Variants in ABRA observed in about 807,000 individuals in gnomAD.
ABRA encodes actin-binding Rho-activating protein.
A neutral mutation model predicts 33.4 loss-of-function variants in ABRA; 25 were observed. That is an observed-to-expected ratio of 0.75 (90% CI 0.55 to 1.04). The LOEUF (loss-of-function observed/expected upper bound fraction) is 1.04. Among genes scored for constraint, ABRA ranks in the 50% least tolerant of loss-of-function variants. The probability of loss-of-function intolerance (pLI) is 0.00; values close to 1 mark genes in which losing one functional copy is unlikely to be tolerated. For missense variants in ABRA, 501 were observed against 491.7 expected (o/e 1.02, Z -0.18); for synonymous variants, 193 against 176.8 (o/e 1.09, Z -0.73).
rs529452336 is a variant in ABRA, at chr8:106,760,800, C to T, written c.*237G>A. On this transcript the variant is annotated 3_prime_UTR_variant, in exon 2 of 2. Transcript: ENST00000311955. Reference sequence around the variant, plus strand: ...ACAAAAACACCCTGTGGAATTTCAACTATTAATACTATTATTATACATTAA... The same window carrying T: ...ACAAAAACACCCTGTGGAATTTCAATTATTAATACTATTATTATACATTAA... 2.0e-6 allele frequency: 1 copy of T among 494,556 alleles called. No homozygotes were observed. The highest frequency in any genetic ancestry group is 3.7e-5 in the Admixed American group (1 of 27,322). 30.6% of individuals were successfully genotyped at this position (494,556 alleles called of 1,614,324 possible). A position where few individuals can be genotyped will look rare whatever the true frequency, so the allele number is the denominator to read the frequency against.
intron 1 of ABRA, 93 bp downstream of exon 1, chr8:106,769,430 C>T: frequency 2.0e-6 from 3 of 1,506,678 alleles, no homozygotes; most frequent in Non-Finnish European, 2.7e-6. Flanking sequence ...CACTCTAACC[C>T]TGGCAGGACT....
intron 1 of ABRA, among the ~76,000 whole-genome samples, chr8:106,761,877 A>G (rs1420252954): frequency 6.6e-6 from 1 of 152,200 alleles, no homozygotes; most frequent in African/African-American, 2.4e-5. Flanking sequence ...AGGTGTTTTC[A>G]GGAATCTAGT....
Position 106,759,723 on chromosome 8 carries a change from A to G in ABRA, c.*1314T>C, listed in dbSNP as rs1836109262. 1 of 152,192 alleles carries G rather than the reference A, an allele frequency of 6.6e-6. No individual in the cohort carries two copies. Among genetic ancestry groups the G allele is most frequent in the African/African-American group, 2.4e-5 (1 of 41,456 alleles). The allele number at this position is 152,192 out of a possible 1,614,324, so 9.4% of individuals were successfully genotyped here. On this transcript the variant is annotated 3_prime_UTR_variant, in exon 2 of 2. Transcript: ENST00000311955. ...TAATTCTTATAGCAGTCTAATACCT[A>G]TTATTTTGAGGTATCATATTTAGAC...
At position 106,761,312 on chromosome 8, in the gene ABRA, C is replaced by T. The variant is rs891290416; in HGVS notation, c.871G>A (p.Glu291Lys). 6.2e-7 allele frequency: 1 copy of T among 1,614,178 alleles called. No homozygotes were observed. Among genetic ancestry groups the T allele is most frequent in the Non-Finnish European group, 8.5e-7 (1 of 1,180,028 alleles). ...GCCCTTTCAGCAGTTTTGGTTCCTT[C>T]TTTGGGGCGGCCATAGCCCTCATCT... is the stretch of plus-strand genomic sequence containing the variant. ...KGDEGYGRPK[E>K]GTKTAERAKR... Residue 291 changes from glutamate to lysine, a missense_variant, in exon 2 of 2, where the codon GAA becomes AAA. Physicochemically the swap from Glu to Lys is moderately conservative, Grantham distance 56. Coordinates refer to ENST00000311955, the MANE Select transcript of ABRA (RefSeq NM_139166.5).
intron 1 of ABRA, among the ~76,000 whole-genome samples, chr8:106,765,665 GCTGT>G (rs1836209457): frequency 6.6e-6 from 1 of 152,110 alleles, no homozygotes; most frequent in Non-Finnish European, 1.5e-5. Flanking sequence ...CAGCAGTTTT[GCTGT>G]CTGTCATTTT....
chr8:106,759,909 T>C lies in ABRA; in HGVS notation c.*1128A>G, dbSNP rs565694791. The C allele has an allele frequency of 1.3e-5, 2 of 152,340 alleles. No individual in the cohort carries two copies. The highest frequency in any genetic ancestry group is 1.9e-4 in the East Asian group (1 of 5,194). The allele number at this position is 152,340 out of a possible 1,614,324, so 9.4% of individuals were successfully genotyped here. A position where few individuals can be genotyped will look rare whatever the true frequency, so the allele number is the denominator to read the frequency against. On this transcript the variant is annotated 3_prime_UTR_variant, in exon 2 of 2. Transcript: ENST00000311955. ...GATTTTCTCCTTGCCATCATCATTGTATATTTTTTACTTTGGCAGAACTAA... is the reference window on the plus strand; with the variant it reads ...GATTTTCTCCTTGCCATCATCATTGCATATTTTTTACTTTGGCAGAACTAA...
intron 1 of ABRA, among the ~76,000 whole-genome samples, chr8:106,763,660 G>T (rs1357445994): frequency 6.6e-6 from 1 of 152,164 alleles, no homozygotes; most frequent in Non-Finnish European, 1.5e-5. Context: ...GTTGATCAAA[G>T]GCATATTCTT....
intron 1 of ABRA, among the ~76,000 whole-genome samples, chr8:106,766,137 T>C (rs1281058454): frequency 6.6e-6 from 1 of 152,242 alleles, no homozygotes; most frequent in African/African-American, 2.4e-5. Context: ...ATTGGTACTT[T>C]AATCTTGCAC....
At chr8:106,768,753 C>A (rs1213493966) in intron 1 of ABRA, among the ~76,000 whole-genome samples, 3 of 152,158 alleles carry the variant, frequency 2.0e-5, no homozygotes, top group Non-Finnish European at 2.9e-5. Context: ...CATGCCTCAG[C>A]CTCCCGGGTA....
chr8:106,763,011 G>A (rs568836821), intron 1 of ABRA, among the ~76,000 whole-genome samples: 1 of 152,242 alleles, frequency 6.6e-6, no homozygotes, highest in Admixed American at 6.5e-5. Context: ...TGGGATTGCA[G>A]ATGTTCAAGT....
At position 106,759,718 on chromosome 8, in the gene ABRA, T is replaced by C. The variant is rs1836109158; in HGVS notation, c.*1319A>G. 6.6e-6 allele frequency: 1 copy of C among 152,228 alleles called. No homozygotes were observed. Among genetic ancestry groups the C allele is most frequent in the South Asian group, 2.1e-4 (1 of 4,836 alleles). The allele number at this position is 152,228 out of a possible 1,614,324, so 9.4% of individuals were successfully genotyped here. On this transcript the variant is annotated 3_prime_UTR_variant, in exon 2 of 2. Transcript: ENST00000311955. Reference sequence around the variant, plus strand: ...AAATATAATTCTTATAGCAGTCTAATACCTATTATTTTGAGGTATCATATT... The same window carrying C: ...AAATATAATTCTTATAGCAGTCTAACACCTATTATTTTGAGGTATCATATT...
chr8:106,763,164 G>C (rs1008438611), intron 1 of ABRA, among the ~76,000 whole-genome samples: 1 of 152,152 alleles, frequency 6.6e-6, no homozygotes, highest in Non-Finnish European at 1.5e-5. Context: ...CCAAAGGCTG[G>C]AACCAAACAC....
In ABRA at chr8:106,769,626, C is replaced by T. The variant is rs745915544; in HGVS notation, c.565G>A (p.Val189Ile). 3.8e-5 allele frequency: 61 copies of T among 1,614,086 alleles called. No individual in the cohort carries two copies. The highest frequency in any genetic ancestry group is 1.3e-4 in the Admixed American group (8 of 60,002). ...QEEPTWRSDS[V>I]DTEDSGYGGE... ...CCATAGCCGCTGTCCTCTGTGTCTA[C>T]GCTGTCACTCCTCCATGTGGGCTCC... Residue 189 changes from valine to isoleucine, a missense_variant, in exon 1 of 2, where the codon GTA (valine) becomes ATA (isoleucine). Physicochemically the swap from Val to Ile is conservative, Grantham distance 29. Transcript: ENST00000311955.
Position 106,769,733 on chromosome 8 carries a change from C to G in ABRA, c.458G>C (p.Ser153Thr), listed in dbSNP as rs996927258. Residue 153 changes from serine (S) to threonine (T), a missense_variant, in exon 1 of 2, where the codon AGC (serine) becomes ACC (threonine). Coordinates refer to ENST00000311955, the MANE Select transcript of ABRA (RefSeq NM_139166.5). ...TCTCCTCCGCGTTGGGGAGCCGTGG[C>G]TGTGGAGGATTCTGTCAATGTCATT... is the stretch of plus-strand genomic sequence containing the variant. ...PENDIDRILH[S>T]HGSPTRRRKC... 1 of 1,614,060 alleles carries G rather than the reference C, an allele frequency of 6.2e-7. No homozygotes were observed. Among genetic ancestry groups the G allele is most frequent in the African/African-American group, 1.3e-5 (1 of 75,048 alleles).
At position 106,761,402 on chromosome 8, in the gene ABRA, T is replaced by G. The variant is rs762610369; in HGVS notation, c.781A>C (p.Lys261Gln). 1.2e-6 allele frequency: 2 copies of G among 1,614,218 alleles called. No individual in the cohort carries two copies. Among genetic ancestry groups the G allele is most frequent in the Non-Finnish European group, 1.7e-6 (2 of 1,180,038 alleles). Reference sequence around the variant, plus strand: ...AACTCTTCACTGAAAGGATTGAGCTTCTGGGATTGTATGTGTTCATCAGCC... The same window carrying G: ...AACTCTTCACTGAAAGGATTGAGCTGCTGGGATTGTATGTGTTCATCAGCC... ...QWADEHIQSQ[K>Q]LNPFSEEFDY... is the part of the protein sequence containing the mutation. Residue 261 changes from lysine to glutamine, a missense_variant, in exon 2 of 2, where the codon AAG (lysine) becomes CAG (glutamine). Physicochemically the swap from Lys to Gln is moderately conservative, Grantham distance 53. Transcript: ENST00000311955.
chr8:106,767,192 A>G (rs1332492729), intron 1 of ABRA, among the ~76,000 whole-genome samples: 1 of 152,254 alleles, frequency 6.6e-6, no homozygotes, highest in Non-Finnish European at 1.5e-5. Context: ...AAATAAATAA[A>G]TATATGAAAA....
intron 1 of ABRA, 134 bp from the exon 2 acceptor site, chr8:106,761,648 A>T: frequency 1.4e-6 from 1 of 736,516 alleles, no homozygotes; most frequent in African/African-American, 1.8e-5. Flanking sequence ...AACACAATAT[A>T]AAAAATTAGA....
rs1836126974 is a variant in ABRA at position 106,760,980 on chromosome 8, A to G, written c.*57T>C. The G allele has an allele frequency of 1.4e-6, 2 of 1,454,348 alleles. No individual in the cohort carries two copies. The highest frequency in any genetic ancestry group is 1.4e-5 in the African/African-American group (1 of 71,182). The allele number at this position is 1,454,348 out of a possible 1,614,324, so 90.1% of individuals were successfully genotyped here. ...GAGTTTGCATTTTCATTTTACCTACATGAGCATTTAGCATTAAGACCATAG... is the reference window on the plus strand; with the variant it reads ...GAGTTTGCATTTTCATTTTACCTACGTGAGCATTTAGCATTAAGACCATAG... On this transcript the variant is annotated 3_prime_UTR_variant, in exon 2 of 2. Coordinates refer to ENST00000311955, the MANE Select transcript of ABRA (RefSeq NM_139166.5).
At chr8:106,763,797 C>T (rs1836170429) in intron 1 of ABRA, among the ~76,000 whole-genome samples, 1 of 152,172 alleles carries the variant, frequency 6.6e-6, no homozygotes, top group Non-Finnish European at 1.5e-5. Flanking sequence ...TTTATTAACT[C>T]ATACTTTGTC....
Sources: gnomAD v4.1 joint callset for allele counts (sites outside exome capture counted in the v4.1 genomes callset) on GRCh38, gnomAD v4.1.1 for gene constraint, MANE v1.5 for transcripts, NCBI Gene and HGNC (gene_info 2026-07-23, HGNC 2026-07-21) for gene names.